VPS13B: variants seen among roughly 807,000 people sequenced by gnomAD.
The protein encoded by VPS13B is intermembrane lipid transfer protein VPS13B.
Under a neutral mutation model 426.4 loss-of-function variants are expected in VPS13B, and 285 were observed. The observed-to-expected ratio is 0.67, with a 90% CI of 0.61 to 0.74. VPS13B has a LOEUF of 0.74. VPS13B is among the 30% of genes least tolerant of loss of function. The pLI is 0.00. For missense variants in VPS13B, 4,537 were observed against 4,782.6 expected (o/e 0.95, Z 1.51); for synonymous variants, 1,676 against 1,676.4 (o/e 1.00, Z 0.01).
chr8:99,042,113 C>A (rs1199743479), intron 3 of VPS13B, among the ~76,000 whole-genome samples: 2 of 151,108 alleles, frequency 1.3e-5, no homozygotes, highest in Non-Finnish European at 2.9e-5. Flanking sequence ...GCACTCCAGC[C>A]TGGGCAACAA....
At chr8:99,691,895 A>C (rs1168549705) in intron 35 of VPS13B, among the ~76,000 whole-genome samples, 1 of 149,024 alleles carries the variant, frequency 6.7e-6, no homozygotes, top group South Asian at 2.2e-4. Context: ...TTGCAATCCT[A>C]GTCTCTGATA....
chr8:99,378,146 CG>C (rs1465541705), intron 19 of VPS13B, among the ~76,000 whole-genome samples: 9 of 118,658 alleles, frequency 7.6e-5, no homozygotes, highest in Non-Finnish European at 1.4e-4. Flanking sequence ...CCCCCCCCCC[CG>C]GAATGCATTC....
intron 19 of VPS13B, among the ~76,000 whole-genome samples, chr8:99,339,729 A>G (rs1290836004): frequency 6.6e-6 from 1 of 152,136 alleles, no homozygotes. Context: ...AATCTCAAAC[A>G]AGAAAGGCAG....
chr8:99,270,515 T>A (rs954222677), intron 17 of VPS13B, among the ~76,000 whole-genome samples: 14 of 152,056 alleles, frequency 9.2e-5, no homozygotes, highest in Non-Finnish European at 5.9e-5. Context: ...TATTAAGAAA[T>A]ACTTATTATT....
In VPS13B at chr8:99,675,912, G is replaced by C. The variant is rs543719760; in HGVS notation, c.6046+14421G>C. On this transcript the variant is annotated intron_variant, in intron 35 of 61. Transcript: ENST00000357162. Reference sequence around the variant, plus strand: ...TGAGTTTCCTTAAAGCAATTATTTTGAATTACTTGTCAAGCAGTTCATATA... The same window carrying C: ...TGAGTTTCCTTAAAGCAATTATTTTCAATTACTTGTCAAGCAGTTCATATA... Among the ~76,000 whole-genome samples, 3 of 151,952 alleles carry C rather than the reference G, an allele frequency of 2.0e-5. No individual in the cohort carries two copies. The East Asian group carries it at 5.8e-4, about 29-fold the overall frequency.
chr8:99,618,653 A>C (rs756376739), intron 33 of VPS13B, among the ~76,000 whole-genome samples: 1 of 152,170 alleles, frequency 6.6e-6, no homozygotes, highest in Non-Finnish European at 1.5e-5. Flanking sequence ...GCTAAACTTA[A>C]CTCTGAGAAT....
intron 2 of VPS13B, among the ~76,000 whole-genome samples, chr8:99,034,439 T>C (rs1842652054): frequency 6.6e-6 from 1 of 151,288 alleles, no homozygotes; most frequent in African/African-American, 2.4e-5. Context: ...AAATTCTCTA[T>C]GTTCATGAGG....
At chr8:99,460,503 A>G (rs1444376763) in intron 23 of VPS13B, among the ~76,000 whole-genome samples, 1 of 152,150 alleles carries the variant, frequency 6.6e-6, no homozygotes, top group South Asian at 2.1e-4. Flanking sequence ...GATGAATACT[A>G]TATCTGTAGA....
intron 8 of VPS13B, among the ~76,000 whole-genome samples, chr8:99,123,122 CAAAAAAAAAAAAAA>C (rs71273164): frequency 3.5e-3 from 213 of 61,458 alleles, no homozygotes; most frequent in African/African-American, 0.012. Flanking sequence ...ACTCTGTCTC[CAAAAAAAAAAAAAA>C]AAAAAAAAAG....
At chr8:99,851,288 T>C (rs1588782985) in intron 55 of VPS13B, among the ~76,000 whole-genome samples, 2 of 152,308 alleles carry the variant, frequency 1.3e-5, no homozygotes, top group East Asian at 3.9e-4. Flanking sequence ...ATGCCTAGCA[T>C]GGGATGAGGA....
chr8:99,385,269 A>C (rs1284952416), intron 20 of VPS13B, among the ~76,000 whole-genome samples: 1 of 152,202 alleles, frequency 6.6e-6, no homozygotes, highest in African/African-American at 2.4e-5. Context: ...AGAACTAAGA[A>C]TTTTTGAGGC....
intron 35 of VPS13B, among the ~76,000 whole-genome samples, chr8:99,665,265 G>C (rs1830438452): frequency 6.6e-6 from 1 of 152,048 alleles, no homozygotes; most frequent in Non-Finnish European, 1.5e-5. Flanking sequence ...CCATTCTGTA[G>C]GTTGCCTGTT....
At position 99,818,828 on chromosome 8, in the gene VPS13B, A is replaced by G; in HGVS notation, c.8561A>G (p.Gln2854Arg). The change falls in exon 47 of 62, where the codon CAG becomes CGG. Residue 2854 changes from glutamine to arginine, a missense_variant. Around this residue, in one of 2 missense-constraint regions of VPS13B, gnomAD observed 4,311 missense variants for 4,474.3 expected, o/e 0.96. Transcript: ENST00000357162. The part of the protein sequence containing the change: ...SETQIIPGKG[Q>R]EKPLQNIEPD... ...ACACAAATTATTCCAGGAAAAGGGC[A>G]GGAAAAACCACTGCAAAACATAGAA... 6.2e-7 allele frequency: 1 copy of G among 1,614,104 alleles called. No homozygotes were observed. The highest frequency in any genetic ancestry group is 8.5e-7 in the Non-Finnish European group (1 of 1,179,982).
intron 17 of VPS13B, among the ~76,000 whole-genome samples, chr8:99,203,521 G>A (rs978367919): frequency 2.6e-5 from 4 of 152,100 alleles, no homozygotes; most frequent in South Asian, 2.1e-4. Flanking sequence ...AGGATAATCA[G>A]GCAAGAATAA....
intron 19 of VPS13B, among the ~76,000 whole-genome samples, chr8:99,328,601 A>G (rs1019942998): frequency 3.3e-5 from 5 of 152,104 alleles, no homozygotes; most frequent in African/African-American, 1.2e-4. Flanking sequence ...GGATAAGATA[A>G]CTTTTAACAA....
intron 17 of VPS13B, among the ~76,000 whole-genome samples, chr8:99,259,745 C>T (rs1366187370): frequency 6.6e-6 from 1 of 151,952 alleles, no homozygotes; most frequent in Non-Finnish European, 1.5e-5. Context: ...TAATTACATC[C>T]CTGAGTGTCT....
At chr8:99,188,803 A>T (rs1266231321) in intron 16 of VPS13B, among the ~76,000 whole-genome samples, 1 of 151,902 alleles carries the variant, frequency 6.6e-6, no homozygotes, top group Non-Finnish European at 1.5e-5. Context: ...TTTGATTTTC[A>T]TTTCCCTGAT....
intron 25 of VPS13B, among the ~76,000 whole-genome samples, chr8:99,488,927 C>T (rs1820445245): frequency 6.6e-6 from 1 of 152,088 alleles, no homozygotes. Flanking sequence ...GTTGCCATTG[C>T]TTTTGGTGTT....
intron 35 of VPS13B, among the ~76,000 whole-genome samples, chr8:99,684,834 T>C (rs1473250031): frequency 6.6e-6 from 1 of 152,210 alleles, no homozygotes; most frequent in Non-Finnish European, 1.5e-5. Flanking sequence ...GACAGAGTCT[T>C]GCTCTGTCGC....
Sources: allele counts gnomAD v4.1 joint callset (sites outside exome capture counted in the v4.1 genomes callset), GRCh38; gene constraint gnomAD v4.1.1; regional missense constraint gnomAD v4.1.1; transcripts MANE v1.5; gene names NCBI Gene and HGNC (gene_info 2026-07-23, HGNC 2026-07-21).